Variants in PRKAR1B observed in about 807,000 individuals in gnomAD.
The protein encoded by PRKAR1B is protein kinase cAMP-dependent type I regulatory subunit beta.
In PRKAR1B, 22 loss-of-function variants were observed where a neutral mutation model predicts 46.5. The observed-to-expected ratio is 0.47, with a 90% CI of 0.34 to 0.68. The LOEUF (loss-of-function observed/expected upper bound fraction) is 0.68. Ranked by LOEUF, PRKAR1B falls within the 30% of genes least tolerant of loss-of-function variation. PRKAR1B has a pLI of 0.01. For missense variants in PRKAR1B, 445 were observed against 535.6 expected, an observed-to-expected ratio of 0.83 and a Z score of 1.67; for synonymous variants, 259 against 217.7, an observed-to-expected ratio of 1.19 and a Z score of -1.67.
At chr7:596,839 C>T (rs978266429) in intron 6 of PRKAR1B, among the ~76,000 whole-genome samples, 4 of 152,254 alleles carry the variant, frequency 2.6e-5, no homozygotes, top group African/African-American at 4.8e-5. Flanking sequence ...AGGAGCCGGG[C>T]GGCCTCAAGT....
intron 9 of PRKAR1B, among the ~76,000 whole-genome samples, chr7:575,451 T>C: frequency 6.6e-6 from 1 of 152,224 alleles, no homozygotes; most frequent in East Asian, 1.9e-4. Context: ...GTCAAGTGTG[T>C]ACCTAAGCCA....
intron 4 of PRKAR1B, among the ~76,000 whole-genome samples, chr7:675,415 G>C (rs1786526450): frequency 6.6e-6 from 1 of 152,178 alleles, no homozygotes; most frequent in African/African-American, 2.4e-5. Context: ...GGGAGAAAAA[G>C]ACACTTTCTC....
intron 4 of PRKAR1B, among the ~76,000 whole-genome samples, chr7:673,066 A>AAAC (rs1333670093): frequency 1.4e-4 from 20 of 141,132 alleles, no homozygotes; most frequent in Non-Finnish European, 2.8e-4. Context: ...AAAAAAAAAA[A>AAAC]AAAAAAAAAA....
At chr7:552,574 C>T (rs1784313013) in intron 9 of PRKAR1B, among the ~76,000 whole-genome samples, 1 of 152,256 alleles carries the variant, frequency 6.6e-6, no homozygotes, top group Non-Finnish European at 1.5e-5. Flanking sequence ...GCACCTGTGA[C>T]CAGGGCATCT....
In PRKAR1B at chr7:583,492, T is replaced by TGCACACCCATACACACCCACACGC. The variant is rs1562537320; in HGVS notation, c.769+1015_769+1016insGCGTGTGGGTGTGTATGGGTGTGC. Among the ~76,000 whole-genome samples the TGCACACCCATACACACCCACACGC allele has an allele frequency of 6.3e-4, 86 of 136,508 alleles. 1 individual carries two copies. The highest frequency in any genetic ancestry group is 2.3e-3 in the African/African-American group (81 of 35,862). 89.6% of individuals were successfully genotyped at this position (136,508 alleles called of 152,430 possible). A position where few individuals can be genotyped will look rare whatever the true frequency, so the allele number is the denominator to read the frequency against. On this transcript the variant is annotated intron_variant, in intron 8 of 10. Transcript: ENST00000537384. Reference sequence around the variant, plus strand: ...GCACTCACACCCACGCACACACGTGTGTGCACACCCATACACACCCACACA... The same window carrying TGCACACCCATACACACCCACACGC: ...GCACTCACACCCACGCACACACGTGTGCACACCCATACACACCCACACGCGTGCACACCCATACACACCCACACA...
intron 6 of PRKAR1B, among the ~76,000 whole-genome samples, chr7:600,745 G>A (rs919439636): frequency 3.9e-5 from 6 of 152,156 alleles, no homozygotes; most frequent in Admixed American, 2.6e-4. Flanking sequence ...TCGGGATAAC[G>A]GGCCCAAAAA....
At chr7:594,890 T>G (rs1781185032) in intron 7 of PRKAR1B, among the ~76,000 whole-genome samples, 1 of 151,990 alleles carries the variant, frequency 6.6e-6, no homozygotes, top group African/African-American at 2.4e-5. Context: ...GACTCCAAAC[T>G]ATGAGGGTCC....
chr7:583,071 G>T (rs910497288), intron 8 of PRKAR1B, among the ~76,000 whole-genome samples: 3 of 152,078 alleles, frequency 2.0e-5, no homozygotes, highest in Admixed American at 6.5e-5. Flanking sequence ...GAGGGCAGGG[G>T]GGGTGACGGC....
In PRKAR1B at chr7:727,244, T is replaced by A; in HGVS notation, c.-57A>T. The A allele has an allele frequency of 1.5e-6, 2 of 1,349,536 alleles. No individual in the cohort carries two copies. The allele number at this position is 1,349,536 out of a possible 1,614,324, so 83.6% of individuals were successfully genotyped here. ...GCTCTGCGCGCGCTGCGCTGCTCCC[T>A]GCTCGACCCCTTCGCCGCCGTGCGC... On this transcript the variant is annotated 5_prime_UTR_variant, in exon 1 of 11. Transcript: ENST00000537384.
At chr7:575,596 A>G (rs182984826) in intron 9 of PRKAR1B, among the ~76,000 whole-genome samples, 715 of 151,550 alleles carry the variant, frequency 4.7e-3, no homozygotes, top group Non-Finnish European at 8.5e-3. Flanking sequence ...CCCAGGCTGG[A>G]GTGCAATGGC....
intron 1 of PRKAR1B, among the ~76,000 whole-genome samples, chr7:725,047 T>C (rs1156306941): frequency 6.6e-6 from 1 of 152,026 alleles, no homozygotes; most frequent in African/African-American, 2.4e-5. Flanking sequence ...ACCCCGTCTC[T>C]ACTAAAAATA....
rs376230812 is a variant in PRKAR1B, at chr7:675,360, G to A, written c.440+1869C>T. Reference sequence around the variant, plus strand: ...GCACACGCCTGCAAACACACAGGGCGGCTGGAGCCCCCACCAGACCACCAC... The same window carrying A: ...GCACACGCCTGCAAACACACAGGGCAGCTGGAGCCCCCACCAGACCACCAC... On this transcript the variant is annotated intron_variant, in intron 4 of 10. Transcript: ENST00000537384. Among the ~76,000 whole-genome samples, 32 of 152,312 alleles carry A rather than the reference G, an allele frequency of 2.1e-4. No individual in the cohort carries two copies. In the East Asian group the frequency reaches 4.4e-3, roughly 21 times the overall value.
chr7:624,042 T>A (rs755363233), intron 4 of PRKAR1B, among the ~76,000 whole-genome samples: 1 of 152,192 alleles, frequency 6.6e-6, no homozygotes, highest in Non-Finnish European at 1.5e-5. Context: ...TATCCCCAGA[T>A]ACCCACGCCA....
intron 4 of PRKAR1B, among the ~76,000 whole-genome samples, chr7:669,282 G>C (rs973373544): frequency 1.3e-5 from 2 of 152,132 alleles, no homozygotes; most frequent in Admixed American, 6.5e-5. Flanking sequence ...GAAATATTTA[G>C]AATAGGCAAG....
Position 726,828 on chromosome 7 carries a change from G to C in PRKAR1B, c.-23+382C>G, listed in dbSNP as rs1483558301. ...GCCGCGCCCTGAGCCGCCTGCTGCC[G>C]GGGCTGGAGGCCGACAGCAAGCCGG... On this transcript the variant is annotated intron_variant, in intron 1 of 10. Coordinates refer to ENST00000537384, the MANE Select transcript of PRKAR1B (RefSeq NM_001164760.2). 8 of 1,326,516 alleles carry C rather than the reference G, an allele frequency of 6.0e-6. No individual in the cohort carries two copies. The African/African-American group carries it at 7.7e-5, about 13-fold the overall frequency. 82.2% of individuals were successfully genotyped at this position (1,326,516 alleles called of 1,614,324 possible). A position where few individuals can be genotyped will look rare whatever the true frequency, so the allele number is the denominator to read the frequency against.
rs373416786 is a variant in PRKAR1B at position 685,308 on chromosome 7, G to GTA, written c.178-4584_178-4583dup. Among the ~76,000 whole-genome samples, 32 of 11,310 alleles carry GTA rather than the reference G, an allele frequency of 2.8e-3. 5 individuals are homozygous for GTA. Among genetic ancestry groups the GTA allele is most frequent in the African/African-American group, 0.011 (19 of 1,768 alleles). The allele number at this position is 11,310 out of a possible 152,430, so 7.4% of individuals were successfully genotyped here. On this transcript the variant is annotated intron_variant, in intron 2 of 10. Transcript: ENST00000537384. ...TATATATGTATACATATATATATAC[G>GTA]TATATATACGTATATATACGTATAT... is the stretch of plus-strand genomic sequence containing the variant.
chr7:681,531 G>C (rs1463991094), intron 2 of PRKAR1B, among the ~76,000 whole-genome samples: 4 of 152,208 alleles, frequency 2.6e-5, no homozygotes, highest in Non-Finnish European at 5.9e-5. Context: ...AAGTGAGTGA[G>C]AGGCTGAACT....
At chr7:683,404 G>A (rs984719714) in intron 2 of PRKAR1B, among the ~76,000 whole-genome samples, 3 of 152,146 alleles carry the variant, frequency 2.0e-5, no homozygotes, top group Non-Finnish European at 4.4e-5. Context: ...CAGGTGCACC[G>A]GTCCAGGTGG....
intron 1 of PRKAR1B, among the ~76,000 whole-genome samples, chr7:718,982 C>T (rs2128534078): frequency 6.7e-6 from 1 of 149,956 alleles, no homozygotes; most frequent in East Asian, 2.0e-4. Context: ...AGTGATCCTC[C>T]CACCCCAGCC....
Sources: allele counts gnomAD v4.1 joint callset (sites outside exome capture counted in the v4.1 genomes callset), GRCh38; gene constraint gnomAD v4.1.1; transcripts MANE v1.5; gene names NCBI Gene and HGNC (gene_info 2026-07-23, HGNC 2026-07-21).